FIG4: variants seen among roughly 807,000 people sequenced by gnomAD.
The protein encoded by FIG4 is FIG4 phosphoinositide 5-phosphatase.
A neutral mutation model predicts 118.6 loss-of-function variants in FIG4; 112 were observed. That is an observed-to-expected ratio of 0.94 (90% CI 0.81 to 1.11). The LOEUF is 1.11. Among genes scored for constraint, FIG4 ranks in the 50% least tolerant of loss-of-function variants. The probability of loss-of-function intolerance (pLI) is 0.00; values close to 1 mark genes in which losing one functional copy is unlikely to be tolerated. For synonymous variants in FIG4, 369 were observed against 381.2 expected, an observed-to-expected ratio of 0.97 and a Z score of 0.37; for missense variants, 969 against 1,111.7, an observed-to-expected ratio of 0.87 and a Z score of 1.83.
intron 22 of FIG4, among the ~76,000 whole-genome samples, chr6:109,806,315 A>G (rs997355474): frequency 6.6e-6 from 1 of 152,164 alleles, no homozygotes; most frequent in Non-Finnish European, 1.5e-5. Context: ...CAGACCCATA[A>G]TAAGAAACTC....
chr6:109,767,877 GA>G lies in FIG4; in HGVS notation c.1750+992del, dbSNP rs965151469. Among the ~76,000 whole-genome samples the G allele has an allele frequency of 1.4e-4, 21 of 147,564 alleles. 1 individual carries two copies. The highest frequency in any genetic ancestry group is 4.3e-4 in the South Asian group (2 of 4,688). On this transcript the variant is annotated intron_variant, in intron 15 of 22. Transcript: ENST00000230124. ...ACAGAGCAAGACTCCATCTCGGAAA[GA>G]AAAAAAAAAGGTCCTTAGGAGTGAA...
intron 10 of FIG4, among the ~76,000 whole-genome samples, chr6:109,759,775 G>C (rs1427876562): frequency 1.3e-5 from 2 of 152,240 alleles, no homozygotes; most frequent in African/African-American, 4.8e-5. Flanking sequence ...ATCTCACAGA[G>C]TATTTGCAAG....
At chr6:109,795,211 G>A (rs1007087531) in intron 21 of FIG4, among the ~76,000 whole-genome samples, 6 of 139,762 alleles carry the variant, frequency 4.3e-5, no homozygotes, top group Non-Finnish European at 6.0e-5. Flanking sequence ...TGCAAGCTCC[G>A]CTTCCGGGGT....
At chr6:109,724,241 G>C (rs910717255) in intron 3 of FIG4, among the ~76,000 whole-genome samples, 19 of 152,180 alleles carry the variant, frequency 1.2e-4, no homozygotes, top group African/African-American at 4.6e-4. Context: ...AAGTTTCTTA[G>C]TCCAGTATTA....
chr6:109,695,462 T>A (rs1774682033), intron 1 of FIG4, among the ~76,000 whole-genome samples: 1 of 152,194 alleles, frequency 6.6e-6, no homozygotes, highest in South Asian at 2.1e-4. Flanking sequence ...GACTCTGTGA[T>A]GGAGCTTCCT....
Position 109,762,347 on chromosome 6 carries a change from G to A in FIG4, c.1388+140G>A, listed in dbSNP as rs1038569382. 4 of 677,720 alleles carry A rather than the reference G, an allele frequency of 5.9e-6. No individual in the cohort carries two copies. In the Admixed American group the frequency reaches 8.2e-5, roughly 14 times the overall value. The allele number at this position is 677,720 out of a possible 1,614,324, so 42.0% of individuals were successfully genotyped here. On this transcript the variant is annotated intron_variant, in intron 12 of 22. Coordinates refer to ENST00000230124, the MANE Select transcript of FIG4 (RefSeq NM_014845.6). Reference sequence around the variant, plus strand: ...CACACTGCTCACATGACTGAGTGCTGAATGTTCACTGGGGCATGGGAATTC... The same window carrying A: ...CACACTGCTCACATGACTGAGTGCTAAATGTTCACTGGGGCATGGGAATTC...
chr6:109,762,621 A>G (rs1289282772), intron 12 of FIG4, among the ~76,000 whole-genome samples: 1 of 150,916 alleles, frequency 6.6e-6, no homozygotes, highest in East Asian at 1.9e-4. Flanking sequence ...CTTCAGATCA[A>G]GGATTTATGC....
At chr6:109,773,063 T>A (rs1013346925) in intron 15 of FIG4, among the ~76,000 whole-genome samples, 3 of 152,210 alleles carry the variant, frequency 2.0e-5, no homozygotes, top group African/African-American at 7.2e-5. Flanking sequence ...TGGGGGCCAC[T>A]GTCAGTTCCT....
intron 15 of FIG4, among the ~76,000 whole-genome samples, chr6:109,770,851 G>T (rs9374121): frequency 0.41 from 61,605 of 151,920 alleles, 13,327 homozygotes; most frequent in African/African-American, 0.53. Flanking sequence ...ATATCCAAAC[G>T]ATATCACAGG....
At chr6:109,752,084 C>A (rs375252829) in intron 10 of FIG4, among the ~76,000 whole-genome samples, 4 of 146,902 alleles carry the variant, frequency 2.7e-5, no homozygotes, top group Admixed American at 7.0e-5. Context: ...TGAGAACATG[C>A]GGTGTTTGGT....
In FIG4 at chr6:109,743,115, T is replaced by A; in HGVS notation, c.882T>A (p.Asp294Glu). 1.2e-6 allele frequency: 2 copies of A among 1,612,186 alleles called. No homozygotes were observed. Among genetic ancestry groups the A allele is most frequent in the East Asian group, 2.2e-5 (1 of 44,784 alleles). Residue 294 changes from aspartate (D) to glutamate (E), a missense_variant, in exon 9 of 23, where the codon GAT (aspartate) becomes GAA (glutamate). Physicochemically the swap from Asp to Glu is conservative, Grantham distance 45. Around this residue, in one of 3 missense-constraint regions of FIG4, gnomAD observed 393 missense variants for 409.4 expected, o/e 0.96. Coordinates refer to ENST00000230124, the MANE Select transcript of FIG4 (RefSeq NM_014845.6). ...FLKRGANCEG[D>E]VANEVETEQI... is the part of the protein sequence containing the mutation. ...CAATGCACCTTTCTTTTCAGGGTGA[T>A]GTTGCAAATGAAGTGGAGACTGAAC...
intron 10 of FIG4, among the ~76,000 whole-genome samples, chr6:109,751,001 C>G (rs59816529): frequency 6.6e-6 from 1 of 152,136 alleles, no homozygotes; most frequent in African/African-American, 2.4e-5. Context: ...TAATTCTTAT[C>G]TAATTATTTC....
At chr6:109,795,105 T>TG in intron 21 of FIG4, among the ~76,000 whole-genome samples, 1 of 25,364 alleles carries the variant, frequency 3.9e-5, no homozygotes, top group Admixed American at 3.4e-4. Flanking sequence ...GTTTTTTTTT[T>TG]TTTTTTTTTT....
At chr6:109,823,845 G>A (rs1779080354) in intron 22 of FIG4, among the ~76,000 whole-genome samples, 1 of 152,112 alleles carries the variant, frequency 6.6e-6, no homozygotes, top group Admixed American at 6.5e-5. Flanking sequence ...ACCCTGTTAT[G>A]GCCAACCACC....
chr6:109,798,897 A>G (rs1017074868), intron 22 of FIG4, among the ~76,000 whole-genome samples: 1 of 152,020 alleles, frequency 6.6e-6, no homozygotes, highest in African/African-American at 2.4e-5. Flanking sequence ...ATATGGAACT[A>G]TGGGCTCTCA....
At chr6:109,770,138 G>A (rs1024612967) in intron 15 of FIG4, among the ~76,000 whole-genome samples, 3 of 152,150 alleles carry the variant, frequency 2.0e-5, no homozygotes, top group Admixed American at 1.3e-4. Context: ...GGGAGTTGGA[G>A]GATGCTTTAC....
chr6:109,818,527 T>C (rs1778922892), intron 22 of FIG4, among the ~76,000 whole-genome samples: 1 of 152,178 alleles, frequency 6.6e-6, no homozygotes, highest in South Asian at 2.1e-4. Context: ...CAGAATATTG[T>C]CATACATGTT....
At chr6:109,771,849 T>A (rs1283371003) in intron 15 of FIG4, among the ~76,000 whole-genome samples, 2 of 152,180 alleles carry the variant, frequency 1.3e-5, no homozygotes, top group Non-Finnish European at 1.5e-5. Context: ...TATATGCTTG[T>A]TGCTGTACAT....
At chr6:109,812,849 A>G (rs1231813666) in intron 22 of FIG4, among the ~76,000 whole-genome samples, 1 of 152,208 alleles carries the variant, frequency 6.6e-6, no homozygotes, top group African/African-American at 2.4e-5. Context: ...CAGGAGTTAC[A>G]CAGCAGATTC....
Sources: allele counts gnomAD v4.1 joint callset (sites outside exome capture counted in the v4.1 genomes callset), GRCh38; gene constraint gnomAD v4.1.1; regional missense constraint gnomAD v4.1.1; transcripts MANE v1.5; gene names NCBI Gene and HGNC (gene_info 2026-07-23, HGNC 2026-07-21).